The following ADARB2 variants were observed in gnomAD, a reference collection of about 807,000 sequenced individuals.
The protein encoded by ADARB2 is adenosine deaminase RNA specific B2 (inactive).
ADARB2 carries 25 observed loss-of-function variants against 62.2 expected under a neutral mutation model. The observed-to-expected ratio is 0.40, with a 90% confidence interval of 0.29 to 0.56. The LOEUF is 0.56. ADARB2 is among the 20% of genes least tolerant of loss of function. The probability of loss-of-function intolerance (pLI) is 0.43; values close to 1 mark genes in which losing one functional copy is unlikely to be tolerated. For synonymous variants in ADARB2, 572 were observed against 500.8 expected, an observed-to-expected ratio of 1.14 and a Z score of -1.90; for missense variants, 1,071 against 1,077.4, an observed-to-expected ratio of 0.99 and a Z score of 0.08.
At chr10:1,271,310 C>T (rs779436053) in intron 3 of ADARB2, among the ~76,000 whole-genome samples, 13 of 152,222 alleles carry the variant, frequency 8.5e-5, no homozygotes, top group Non-Finnish European at 1.6e-4. Context: ...TTGCTCTCAG[C>T]AGAAACCCTG....
chr10:1,647,817 C>T (rs548608366), intron 1 of ADARB2, among the ~76,000 whole-genome samples: 2 of 149,262 alleles, frequency 1.3e-5, no homozygotes, highest in South Asian at 2.2e-4. Flanking sequence ...TGTGTGTATG[C>T]ATGTGTGTAT....
chr10:1,671,823 G>A (rs1834388365), intron 1 of ADARB2, among the ~76,000 whole-genome samples: 1 of 152,060 alleles, frequency 6.6e-6, no homozygotes, highest in Non-Finnish European at 1.5e-5. Context: ...ACGTCGCACC[G>A]AGATGCCCAG....
At chr10:1,732,193 C>T (rs1359165351) in intron 1 of ADARB2, among the ~76,000 whole-genome samples, 2 of 150,554 alleles carry the variant, frequency 1.3e-5, no homozygotes, top group East Asian at 3.9e-4. Flanking sequence ...TACATACATA[C>T]ATAGTAATAT....
intron 1 of ADARB2, among the ~76,000 whole-genome samples, chr10:1,552,898 C>T (rs959068969): frequency 4.1e-5 from 6 of 147,016 alleles, no homozygotes; most frequent in African/African-American, 1.5e-4. Context: ...TTTTTACCTC[C>T]TGTGGAACGG....
intron 1 of ADARB2, among the ~76,000 whole-genome samples, chr10:1,591,809 A>C (rs935400222): frequency 6.6e-6 from 1 of 152,228 alleles, no homozygotes; most frequent in African/African-American, 2.4e-5. Flanking sequence ...GACTTGGTTC[A>C]GCACAATTTC....
chr10:1,636,044 C>A (rs749518599), intron 1 of ADARB2, among the ~76,000 whole-genome samples: 5 of 152,042 alleles, frequency 3.3e-5, no homozygotes, highest in Non-Finnish European at 5.9e-5. Context: ...AGGTGTGGCT[C>A]TGAGGCACGT....
At chr10:1,554,974 CTATT>C (rs1022865923) in intron 1 of ADARB2, among the ~76,000 whole-genome samples, 5 of 152,128 alleles carry the variant, frequency 3.3e-5, no homozygotes, top group African/African-American at 1.2e-4. Flanking sequence ...AGAACATGCA[CTATT>C]TGTTTTTCTG....
chr10:1,479,900 CCTCCATAGACGTGCTTTA>C (rs905717870), intron 1 of ADARB2, among the ~76,000 whole-genome samples: 6 of 151,968 alleles, frequency 3.9e-5, no homozygotes, highest in Admixed American at 6.6e-5. Context: ...TCTTTGGGGC[CCTCCATAGACGTGCTTTA>C]CTCCATAGAC....
At chr10:1,502,253 C>T (rs1831776276) in intron 1 of ADARB2, among the ~76,000 whole-genome samples, 2 of 152,222 alleles carry the variant, frequency 1.3e-5, no homozygotes, top group South Asian at 4.1e-4. Flanking sequence ...GCTGCATCTC[C>T]CACAACTGTC....
intron 1 of ADARB2, among the ~76,000 whole-genome samples, chr10:1,644,818 T>C (rs1411407778): frequency 6.6e-6 from 1 of 152,232 alleles, no homozygotes; most frequent in African/African-American, 2.4e-5. Flanking sequence ...GGTTCTGGAT[T>C]TTCACTTTGT....
chr10:1,712,160 C>T (rs760398432), intron 1 of ADARB2, among the ~76,000 whole-genome samples: 5 of 152,152 alleles, frequency 3.3e-5, no homozygotes, highest in Non-Finnish European at 4.4e-5. Context: ...TTCTCAAATT[C>T]GTGCAGGAAA....
chr10:1,716,063 C>T (rs779321612), intron 1 of ADARB2, among the ~76,000 whole-genome samples: 15 of 152,180 alleles, frequency 9.9e-5, no homozygotes, highest in Non-Finnish European at 2.2e-4. Context: ...CTCATGCACA[C>T]CTCCTGTGCA....
At chr10:1,548,371 G>A (rs1184555424) in intron 1 of ADARB2, among the ~76,000 whole-genome samples, 16 of 152,218 alleles carry the variant, frequency 1.1e-4, no homozygotes, top group East Asian at 1.9e-4. Flanking sequence ...CTGCTGGTGC[G>A]CCAGCCCTAC....
At chr10:1,439,689 T>C (rs1274072021) in intron 1 of ADARB2, among the ~76,000 whole-genome samples, 2 of 139,510 alleles carry the variant, frequency 1.4e-5, no homozygotes, top group African/African-American at 5.6e-5. Context: ...CCTCAGCAGA[T>C]GGAGGCAGGT....
intron 1 of ADARB2, among the ~76,000 whole-genome samples, chr10:1,446,182 T>C (rs1342567274): frequency 1.3e-5 from 2 of 152,220 alleles, no homozygotes; most frequent in African/African-American, 2.4e-5. Flanking sequence ...CAAAATTCTT[T>C]GGGCAAGTCA....
At position 1,407,804 on chromosome 10, in the gene ADARB2, G is replaced by A. The variant is rs576253395; in HGVS notation, c.101-28644C>T. On this transcript the variant is annotated intron_variant, in intron 1 of 9. Transcript: ENST00000381312. Reference sequence around the variant, plus strand: ...CATGTCCTGGGGGTTGCTCTCGCCCGGCCTCCATCCCCAGGCCCTCCTTCC... The same window carrying A: ...CATGTCCTGGGGGTTGCTCTCGCCCAGCCTCCATCCCCAGGCCCTCCTTCC... Among the ~76,000 whole-genome samples, 256 of 152,208 alleles carry A rather than the reference G, an allele frequency of 1.7e-3. 3 individuals carry two copies. Among genetic ancestry groups the A allele is most frequent in the Non-Finnish European group, 2.6e-3 (177 of 68,004 alleles).
intron 1 of ADARB2, among the ~76,000 whole-genome samples, chr10:1,732,410 T>C (rs890709592): frequency 1.3e-5 from 2 of 152,076 alleles, no homozygotes; most frequent in African/African-American, 4.8e-5. Flanking sequence ...TGTTTAGATA[T>C]GGATACACGA....
chr10:1,721,172 G>A (rs961019569), intron 1 of ADARB2, among the ~76,000 whole-genome samples: 2 of 152,150 alleles, frequency 1.3e-5, no homozygotes, highest in African/African-American at 4.8e-5. Flanking sequence ...AGAAAGAAGG[G>A]CCCTGGCCCC....
chr10:1,592,259 T>C (rs909832529), intron 1 of ADARB2, among the ~76,000 whole-genome samples: 1 of 152,142 alleles, frequency 6.6e-6, no homozygotes, highest in Non-Finnish European at 1.5e-5. Context: ...CCAGCTCCCC[T>C]GGCCCAAGCC....
Sources: gnomAD v4.1 joint callset for allele counts (sites outside exome capture counted in the v4.1 genomes callset) on GRCh38, gnomAD v4.1.1 for gene constraint, MANE v1.5 for transcripts, NCBI Gene and HGNC (gene_info 2026-07-23, HGNC 2026-07-21) for gene names.